Variants in JAKMIP1 observed in about 807,000 individuals in gnomAD.
The protein encoded by JAKMIP1 is janus kinase and microtubule-interacting protein 1.
JAKMIP1 carries 33 observed loss-of-function variants against 113.0 expected under a neutral mutation model. That is an observed-to-expected ratio of 0.29 (90% CI 0.22 to 0.39). The LOEUF (loss-of-function observed/expected upper bound fraction) is 0.39, where lower values mean the gene tolerates loss of function less well. Ranked by LOEUF, JAKMIP1 falls within the 10% of genes least tolerant of loss-of-function variation. The pLI, the probability that JAKMIP1 is intolerant of heterozygous loss-of-function variation, is 1.00. For missense variants in JAKMIP1, 813 were observed against 1,080.5 expected (o/e 0.75, Z 3.47); for synonymous variants, 480 against 459.9 (o/e 1.04, Z -0.56).
chr4:6,035,869 G>T (rs369594461), intron 19 of JAKMIP1, 35 bp downstream of exon 19: 1 of 1,516,684 alleles, frequency 6.6e-7, no homozygotes, highest in Non-Finnish European at 8.9e-7. Context: ...CAAGGGTGCC[G>T]GGGTGCTGTG....
At position 6,089,974 on chromosome 4, in the gene JAKMIP1, C is replaced by T. The variant is rs1041993774; in HGVS notation, c.625-4345G>A. Reference sequence around the variant, plus strand: ...AAGAAGAGGACACCTGTAATCCCAGCACTTTGGGAGGCCGAGGCAGGCGAA... The same window carrying T: ...AAGAAGAGGACACCTGTAATCCCAGTACTTTGGGAGGCCGAGGCAGGCGAA... On this transcript the variant is annotated intron_variant, in intron 3 of 20. Transcript: ENST00000409021. This position sits in a 1 kb window ranked among gnomAD's most constrained non-coding sequence, Gnocchi z 5.3. Among the ~76,000 whole-genome samples the T allele has an allele frequency of 6.6e-6, 1 of 152,186 alleles. No homozygotes were observed. Among genetic ancestry groups the T allele is most frequent in the African/African-American group, 2.4e-5 (1 of 41,444 alleles).
rs549267688 is a variant in JAKMIP1, at chr4:6,101,469, T to C, written c.624+4004A>G. Among the ~76,000 whole-genome samples, 15 of 152,330 alleles carry C rather than the reference T, an allele frequency of 9.8e-5. 1 individual carries two copies. In the South Asian group the frequency reaches 3.1e-3, roughly 32 times the overall value. ...CCTACTGTCTTGATTACTGTAGCTT[T>C]GTAGTAAACTTTGTTATAGGTTGTA... is the stretch of plus-strand genomic sequence containing the variant. On this transcript the variant is annotated intron_variant, in intron 3 of 20. Coordinates refer to ENST00000409021, the MANE Select transcript of JAKMIP1 (RefSeq NM_001099433.2).
rs1715690980 is a variant in JAKMIP1, at chr4:6,051,769, A to G, written c.1807-1090T>C. On this transcript the variant is annotated intron_variant, in intron 13 of 20. Coordinates refer to ENST00000409021, the MANE Select transcript of JAKMIP1 (RefSeq NM_001099433.2). The surrounding 1 kb of genome is among the most constrained non-coding windows in gnomAD (Gnocchi z 5.0). ...AAAGGTCGGGAAAACCTAATTACTT[A>G]CAGGGCTAAAGCACAGTGGCAGAAC... 6.6e-6 allele frequency among the ~76,000 whole-genome samples: 1 copy of G among 152,238 alleles called. No individual in the cohort carries two copies. The highest frequency in any genetic ancestry group is 6.5e-5 in the Admixed American group (1 of 15,286).
In JAKMIP1 at chr4:6,136,845, A is replaced by G. The variant is rs375786302; in HGVS notation, c.-147-23848T>C. 5.3e-5 allele frequency among the ~76,000 whole-genome samples: 8 copies of G among 152,342 alleles called. No individual in the cohort carries two copies. The East Asian group carries it at 1.5e-3, about 29-fold the overall frequency. ...ACTGGCAGAAAGCAAAAAGCTAGTT[A>G]CCAGCAGCGGCACTACCCATCACAT... On this transcript the variant is annotated intron_variant, in intron 1 of 20. Transcript: ENST00000409021. The surrounding 1 kb of genome is among the most constrained non-coding windows in gnomAD (Gnocchi z 5.9).
intron 1 of JAKMIP1, among the ~76,000 whole-genome samples, chr4:6,177,247 C>G (rs534155217): frequency 6.6e-6 from 1 of 152,262 alleles, no homozygotes; most frequent in Admixed American, 6.5e-5. Context: ...TTGGAGAGGA[C>G]TTTAAGAAAG....
intron 8 of JAKMIP1, among the ~76,000 whole-genome samples, chr4:6,071,908 C>T (rs750130287): frequency 3.3e-5 from 5 of 152,184 alleles, no homozygotes; most frequent in Non-Finnish European, 4.4e-5. Flanking sequence ...GAGGGGCCTC[C>T]CATGCTTCTG....
rs527516349 is a variant in JAKMIP1 at position 6,065,205 on chromosome 4, G to T, written c.1303-197C>A. On this transcript the variant is annotated intron_variant, in intron 8 of 20. Coordinates refer to ENST00000409021, the MANE Select transcript of JAKMIP1 (RefSeq NM_001099433.2). The surrounding 1 kb of genome is among the most constrained non-coding windows in gnomAD (Gnocchi z 5.1). ...GCAGCAGGTGGCGGATGACCCTAGG[G>T]TTTACAGCCTGAGCGAGCTAGTCTG... Among the ~76,000 whole-genome samples the T allele has an allele frequency of 8.5e-5, 13 of 152,322 alleles. No individual in the cohort carries two copies. The South Asian group carries it at 2.3e-3, about 27-fold the overall frequency.
chr4:6,040,573 G>A lies in JAKMIP1; in HGVS notation c.2175+66C>T, dbSNP rs2108755216. ...CGCCCTAAATGCAGTTTCAGCCCCA[G>A]AGGAAAAAGCAGCCTCTAATGTGGA... On this transcript the variant is annotated intron_variant, in intron 18 of 20. Coordinates refer to ENST00000409021, the MANE Select transcript of JAKMIP1 (RefSeq NM_001099433.2). This position sits in a 1 kb window ranked among gnomAD's most constrained non-coding sequence, Gnocchi z 5.8. The A allele has an allele frequency of 2.5e-6, 3 of 1,189,066 alleles. No individual in the cohort carries two copies. In the East Asian group the frequency reaches 7.1e-5, roughly 28 times the overall value. The allele number at this position is 1,189,066 out of a possible 1,614,324, so 73.7% of individuals were successfully genotyped here.
At chr4:6,159,556 A>C (rs1292293005) in intron 1 of JAKMIP1, among the ~76,000 whole-genome samples, 3 of 152,258 alleles carry the variant, frequency 2.0e-5, no homozygotes, top group African/African-American at 7.2e-5. Flanking sequence ...ACAATTCTCA[A>C]AAGAAGAAAC....
chr4:6,176,801 G>T lies in JAKMIP1; in HGVS notation c.-148+23452C>A, dbSNP rs1725391628. 6.6e-6 allele frequency among the ~76,000 whole-genome samples: 1 copy of T among 152,166 alleles called. No homozygotes were observed. The highest frequency in any genetic ancestry group is 2.4e-5 in the African/African-American group (1 of 41,430). On this transcript the variant is annotated intron_variant, in intron 1 of 20. Transcript: ENST00000409021. The surrounding 1 kb of genome is among the most constrained non-coding windows in gnomAD (Gnocchi z 5.5). ...AATCCTAGCACTTTTTGGGGGCCGAGGCAGGCGGATCACTTGAGCCCAGAA... is the reference window on the plus strand; with the variant it reads ...AATCCTAGCACTTTTTGGGGGCCGATGCAGGCGGATCACTTGAGCCCAGAA...
chr4:6,161,707 G>A (rs1457154431), intron 1 of JAKMIP1, among the ~76,000 whole-genome samples: 1 of 152,098 alleles, frequency 6.6e-6, no homozygotes, highest in African/African-American at 2.4e-5. Flanking sequence ...CGGGTGCTCT[G>A]AGCAGGACTG....
At chr4:6,041,121 C>A (rs548692049) in intron 17 of JAKMIP1, among the ~76,000 whole-genome samples, 42 of 152,254 alleles carry the variant, frequency 2.8e-4, no homozygotes, top group African/African-American at 1.0e-3. Flanking sequence ...TTGCATCACC[C>A]ACCTCCCGAT....
intron 18 of JAKMIP1, among the ~76,000 whole-genome samples, chr4:6,037,945 T>A (rs112719540): frequency 1.0e-5 from 1 of 100,230 alleles, no homozygotes; most frequent in Admixed American, 9.5e-5. Context: ...GAGTCAGAGG[T>A]TAACCCAGTA....
rs111479437 is a variant in JAKMIP1 at position 6,171,993 on chromosome 4, C to T, written c.-148+28260G>A. On this transcript the variant is annotated intron_variant, in intron 1 of 20. Coordinates refer to ENST00000409021, the MANE Select transcript of JAKMIP1 (RefSeq NM_001099433.2). ...GCAACAACTAACAGAAAGCAGAATT[C>T]CTTCCATCTTCCCACAAGCTCCCCC... Among the ~76,000 whole-genome samples the T allele has an allele frequency of 9.1e-3, 1,385 of 152,266 alleles. 15 individuals carry two copies. The highest frequency in any genetic ancestry group is 0.031 in the African/African-American group (1,279 of 41,526).
At position 6,078,927 on chromosome 4, in the gene JAKMIP1, T is replaced by A. The variant is rs1720084214; in HGVS notation, c.1302+12A>T. On this transcript the variant is annotated intron_variant, in intron 8 of 20. Coordinates refer to ENST00000409021, the MANE Select transcript of JAKMIP1 (RefSeq NM_001099433.2). ...GCGGCAAGGTAGGGCAGGTGCACCA[T>A]CGCAGGCTCACCTTGGGCGGTTTCA... 6.2e-7 allele frequency: 1 copy of A among 1,613,720 alleles called. No individual in the cohort carries two copies. The highest frequency in any genetic ancestry group is 8.5e-7 in the Non-Finnish European group (1 of 1,179,744).
intron 18 of JAKMIP1, among the ~76,000 whole-genome samples, chr4:6,038,817 C>T (rs183063144): frequency 2.0e-5 from 3 of 152,324 alleles, no homozygotes; most frequent in East Asian, 1.9e-4. Context: ...ACTCAGCAGC[C>T]GAGCTCCCAG....
At chr4:6,099,236 T>C (rs954268125) in intron 3 of JAKMIP1, among the ~76,000 whole-genome samples, 5 of 152,372 alleles carry the variant, frequency 3.3e-5, no homozygotes, top group African/African-American at 1.2e-4. Flanking sequence ...ACTCCTTTAA[T>C]TCCACCGTTT....
chr4:6,115,553 G>A (rs1032209367), intron 1 of JAKMIP1, among the ~76,000 whole-genome samples: 3 of 152,200 alleles, frequency 2.0e-5, no homozygotes, highest in African/African-American at 7.2e-5. Context: ...GGATACGGTG[G>A]AAAGGACATA....
intron 20 of JAKMIP1, 100 bp downstream of exon 20, chr4:6,029,615 TG>T: frequency 1.3e-6 from 1 of 776,950 alleles, no homozygotes. Flanking sequence ...AAAGGAGGGC[TG>T]GAGACAGAGT....
Sources: gnomAD v4.1 joint callset for allele counts (sites outside exome capture counted in the v4.1 genomes callset) on GRCh38, gnomAD v4.1.1 for gene constraint, Gnocchi (gnomAD v3.1) non-coding constraint, MANE v1.5 for transcripts, NCBI Gene and HGNC (gene_info 2026-07-23, HGNC 2026-07-21) for gene names.